The following C12orf42 variants were observed in gnomAD, a reference collection of about 807,000 sequenced individuals.
C12orf42 encodes chromosome 12 open reading frame 42, also known as uncharacterized protein C12orf42.
Under a neutral mutation model 21.6 loss-of-function variants are expected in C12orf42, and 25 were observed. The observed-to-expected ratio is 1.16, with a 90% CI of 0.84 to 1.62. The LOEUF (loss-of-function observed/expected upper bound fraction) is 1.62. Among genes scored for constraint, C12orf42 ranks in the 40% most tolerant of loss-of-function variants. The pLI, the probability that C12orf42 is intolerant of heterozygous loss-of-function variation, is 0.00. For missense variants in C12orf42, 483 were observed against 459.3 expected, an observed-to-expected ratio of 1.05 and a Z score of -0.47; for synonymous variants, 174 against 175.0, an observed-to-expected ratio of 0.99 and a Z score of 0.05.
At chr12:103,491,185 T>C (rs1198864461) in intron 1 of C12orf42, among the ~76,000 whole-genome samples, 5 of 152,232 alleles carry the variant, frequency 3.3e-5, no homozygotes, top group Non-Finnish European at 7.3e-5. Context: ...AAAGCATTTT[T>C]CATCTTTGTC....
At chr12:103,114,318 G>T in the C12orf42 span, among the ~76,000 whole-genome samples, 1 of 152,198 alleles carries the variant, frequency 6.6e-6, no homozygotes, top group African/African-American at 2.4e-5. Flanking sequence ...TGTGGTGCAC[G>T]GGAAGCGTGG....
chr12:103,057,791 T>C, the C12orf42 span, among the ~76,000 whole-genome samples: 1 of 152,040 alleles, frequency 6.6e-6, no homozygotes, highest in African/African-American at 2.4e-5. Context: ...TCTTCTACAA[T>C]GGTTGACTAA....
At chr12:103,191,415 A>G in the C12orf42 span, among the ~76,000 whole-genome samples, 1 of 151,906 alleles carries the variant, frequency 6.6e-6, no homozygotes, top group African/African-American at 2.4e-5. Context: ...TAGTATAAAA[A>G]TTAAAAGACA....
At chr12:103,485,004 G>A (rs903822413) in intron 1 of C12orf42, among the ~76,000 whole-genome samples, 4 of 151,424 alleles carry the variant, frequency 2.6e-5, no homozygotes, top group Non-Finnish European at 5.9e-5. Context: ...TGAGTACCTG[G>A]GACTACAAGT....
intron 4 of C12orf42, among the ~76,000 whole-genome samples, chr12:103,308,235 T>C (rs2038572739): frequency 1.3e-5 from 2 of 152,232 alleles, no homozygotes; most frequent in African/African-American, 4.8e-5. Flanking sequence ...CATTATATAG[T>C]ATACTAGAGT....
At chr12:103,325,496 C>T (rs997090709) in intron 4 of C12orf42, among the ~76,000 whole-genome samples, 2 of 152,208 alleles carry the variant, frequency 1.3e-5, no homozygotes, top group Non-Finnish European at 2.9e-5. Context: ...GTAGCAAGTA[C>T]GGCTAAGCAA....
chr12:103,290,181 C>CACA (rs2036706464), intron 4 of C12orf42, among the ~76,000 whole-genome samples: 1 of 152,176 alleles, frequency 6.6e-6, no homozygotes, highest in Non-Finnish European at 1.5e-5. Flanking sequence ...AATTATCAGA[C>CACA]ACAACAGTTC....
chr12:103,212,965 G>C, the C12orf42 span, among the ~76,000 whole-genome samples: 1 of 151,650 alleles, frequency 6.6e-6, no homozygotes, highest in Non-Finnish European at 1.5e-5. Context: ...GTGTATGTAT[G>C]CATATATATA....
the C12orf42 span, among the ~76,000 whole-genome samples, chr12:103,216,883 C>G: frequency 2.0e-5 from 3 of 152,028 alleles, no homozygotes; most frequent in Non-Finnish European, 4.4e-5. Flanking sequence ...CGCTCTGTGG[C>G]CCAGGCTGGA....
chr12:103,409,201 A>G (rs142641598), intron 2 of C12orf42, among the ~76,000 whole-genome samples: 10 of 152,338 alleles, frequency 6.6e-5, no homozygotes, highest in Middle Eastern at 3.4e-3. Context: ...ACACTGAGCC[A>G]TCTAAAAGGA....
the C12orf42 span, among the ~76,000 whole-genome samples, chr12:103,135,456 C>A: frequency 1.0e-4 from 15 of 146,708 alleles, no homozygotes; most frequent in East Asian, 4.0e-4. Context: ...GACACTATCT[C>A]AAAAAGAAAA....
the C12orf42 span, among the ~76,000 whole-genome samples, chr12:103,078,777 A>C: frequency 6.6e-6 from 1 of 152,218 alleles, no homozygotes; most frequent in Non-Finnish European, 1.5e-5. Flanking sequence ...ACAAGAAAGG[A>C]CTAGTTTTTG....
chr12:103,281,915 AAAAG>A (rs3063699), intron 4 of C12orf42, among the ~76,000 whole-genome samples: 25,104 of 141,802 alleles, frequency 0.18, 2,209 homozygotes, highest in Middle Eastern at 0.21. Context: ...AGAAGAAAGA[AAAAG>A]AAAGAAAGAA....
chr12:103,201,863 G>A, the C12orf42 span, among the ~76,000 whole-genome samples: 2 of 152,086 alleles, frequency 1.3e-5, no homozygotes, highest in Non-Finnish European at 2.9e-5. Context: ...TCACTCGTTT[G>A]CTTTTTGTTA....
Position 103,379,061 on chromosome 12 carries a change from C to T in C12orf42, c.148-10063G>A, listed in dbSNP as rs1052623002. On this transcript the variant is annotated intron_variant, in intron 3 of 5. Transcript: ENST00000548883. Reference sequence around the variant, plus strand: ...ACCACCCACAGAGAAGAAGGAGATACGTAGATATATAGATATAAATATAGA... The same window carrying T: ...ACCACCCACAGAGAAGAAGGAGATATGTAGATATATAGATATAAATATAGA... Among the ~76,000 whole-genome samples the T allele has an allele frequency of 5.4e-4, 82 of 151,986 alleles. 1 individual carries two copies. The highest frequency in any genetic ancestry group is 2.2e-4 in the African/African-American group (9 of 41,442).
the C12orf42 span, among the ~76,000 whole-genome samples, chr12:103,162,545 G>A: frequency 1.3e-5 from 2 of 151,004 alleles, no homozygotes; most frequent in African/African-American, 4.9e-5. Context: ...GTGTGCAGGA[G>A]CATGTGTAAC....
chr12:103,424,959 C>G (rs1949682460), intron 2 of C12orf42, among the ~76,000 whole-genome samples: 1 of 152,106 alleles, frequency 6.6e-6, no homozygotes, highest in Non-Finnish European at 1.5e-5. Context: ...ACTGCCAGCA[C>G]AGCAGTCTGA....
chr12:103,456,905 TTTTC>T (rs1483791198), intron 2 of C12orf42, among the ~76,000 whole-genome samples: 1 of 152,158 alleles, frequency 6.6e-6, no homozygotes. Flanking sequence ...GTTCTTTATG[TTTTC>T]TTTGTCTGAT....
the C12orf42 span, chr12:103,550,539 C>T: frequency 6.6e-6 from 1 of 152,076 alleles, no homozygotes; most frequent in African/African-American, 2.4e-5. Context: ...ATTCTTGATA[C>T]AAGCCTCTGC....
Sources: allele counts gnomAD v4.1 joint callset (sites outside exome capture counted in the v4.1 genomes callset), GRCh38; gene constraint gnomAD v4.1.1; transcripts MANE v1.5; gene names NCBI Gene and HGNC (gene_info 2026-07-23, HGNC 2026-07-21).